The following MPP7 variants were observed in gnomAD, a reference collection of about 807,000 sequenced individuals.
MPP7 encodes MAGUK p55 scaffold protein 7, also known as MAGUK p55 subfamily member 7.
MPP7 carries 60 observed loss-of-function variants against 76.5 expected under a neutral mutation model. The observed-to-expected ratio is 0.78, with a 90% CI of 0.64 to 0.97. The LOEUF is 0.97. Ranked by LOEUF, MPP7 falls within the 50% of genes least tolerant of loss-of-function variation. The pLI is 0.00. For missense variants in MPP7, 641 were observed against 694.0 expected, an observed-to-expected ratio of 0.92 and a Z score of 0.86; for synonymous variants, 237 against 244.5, an observed-to-expected ratio of 0.97 and a Z score of 0.29.
intron 2 of MPP7, chr10:28,236,942 T>A (rs916029879): frequency 5.9e-5 from 9 of 152,214 alleles, no homozygotes; most frequent in African/African-American, 2.2e-4. Context: ...GCTCAAACCT[T>A]GTGGGGACAT....
At chr10:28,058,674 T>A in intron 14 of MPP7, 71 bp from the exon 15 acceptor site, 1 of 808,924 alleles carries the variant, frequency 1.2e-6, no homozygotes, top group Non-Finnish European at 1.9e-6. Context: ...ATAAAATTCA[T>A]AGGTAAAAGA....
intron 1 of MPP7, among the ~76,000 whole-genome samples, chr10:28,276,518 A>G (rs1463639324): frequency 6.6e-6 from 1 of 152,270 alleles, no homozygotes; most frequent in African/African-American, 2.4e-5. Context: ...ATGAAATTAC[A>G]TAAAGACAAA....
intron 1 of MPP7, among the ~76,000 whole-genome samples, chr10:28,295,255 G>GA (rs1408528098): frequency 1.3e-4 from 20 of 152,080 alleles, no homozygotes; most frequent in African/African-American, 3.9e-4. Context: ...TGACTATGAA[G>GA]AAACGAAAAC....
Position 28,221,672 on chromosome 10 carries a change from G to A in MPP7, c.37+16896C>T, listed in dbSNP as rs746124998. Among the ~76,000 whole-genome samples, 149 of 152,084 alleles carry A rather than the reference G, an allele frequency of 9.8e-4. 3 individuals carry two copies. Among genetic ancestry groups the A allele is most frequent in the Non-Finnish European group, 3.5e-4 (24 of 68,026 alleles). ...GTAAAAATCCCTTCAAGATACGTAC[G>A]GAGGTGATTTTTCTACAACCCCTAA... On this transcript the variant is annotated intron_variant, in intron 2 of 16. Transcript: ENST00000683449.
chr10:28,229,958 A>C (rs1001659102), intron 2 of MPP7, among the ~76,000 whole-genome samples: 7 of 152,120 alleles, frequency 4.6e-5, no homozygotes, highest in Admixed American at 1.3e-4. Flanking sequence ...TTTTATTTTA[A>C]AAAGAGAATG....
At chr10:28,182,088 C>T (rs1032919517) in intron 3 of MPP7, among the ~76,000 whole-genome samples, 2 of 151,762 alleles carry the variant, frequency 1.3e-5, no homozygotes, top group Non-Finnish European at 2.9e-5. Flanking sequence ...GAGCCCAGAC[C>T]AGGAGATAAT....
At chr10:28,155,660 G>A (rs914371738) in intron 3 of MPP7, among the ~76,000 whole-genome samples, 4 of 151,766 alleles carry the variant, frequency 2.6e-5, no homozygotes, top group Admixed American at 2.0e-4. Flanking sequence ...GGGCCAATTT[G>A]TGCTTCACTC....
At chr10:28,101,766 A>G (rs1478729257) in intron 11 of MPP7, among the ~76,000 whole-genome samples, 4 of 152,204 alleles carry the variant, frequency 2.6e-5, no homozygotes, top group Non-Finnish European at 5.9e-5. Context: ...GACCAATGTT[A>G]CAAAAGAAAT....
At chr10:28,072,890 T>C (rs1007143006) in intron 12 of MPP7, among the ~76,000 whole-genome samples, 5 of 152,188 alleles carry the variant, frequency 3.3e-5, no homozygotes, top group African/African-American at 1.2e-4. Flanking sequence ...AATGTCTTCA[T>C]CTCTCTTACA....
intron 12 of MPP7, among the ~76,000 whole-genome samples, chr10:28,088,727 T>G (rs1694161911): frequency 6.6e-6 from 1 of 152,242 alleles, no homozygotes; most frequent in Non-Finnish European, 1.5e-5. Context: ...TATCTCTCGC[T>G]ACATTTTTAA....
At chr10:28,069,964 C>A in intron 12 of MPP7, 112 bp from the exon 13 acceptor site, 4 of 693,308 alleles carry the variant, frequency 5.8e-6, no homozygotes, top group African/African-American at 3.5e-5. Context: ...GCTTTGCATC[C>A]TAAGTAAAGA....
intron 16 of MPP7, among the ~76,000 whole-genome samples, chr10:28,055,212 T>C (rs2133307690): frequency 6.6e-6 from 1 of 152,320 alleles, no homozygotes; most frequent in South Asian, 2.1e-4. Context: ...CATTTCATTG[T>C]CACATAAGAT....
At chr10:28,197,578 C>A (rs543390740) in intron 3 of MPP7, among the ~76,000 whole-genome samples, 16 of 152,220 alleles carry the variant, frequency 1.1e-4, no homozygotes, top group South Asian at 4.1e-4. Flanking sequence ...GAGTGAGGTA[C>A]CTTGTGTCTC....
At chr10:28,317,756 G>A (rs879309028) in intron 2 of MPP7, among the ~76,000 whole-genome samples, 1 of 152,188 alleles carries the variant, frequency 6.6e-6, no homozygotes, top group African/African-American at 2.4e-5. Flanking sequence ...AGAGGCATGG[G>A]GTAGGTCACG....
chr10:28,311,509 A>C (rs1045755974), intron 2 of MPP7, among the ~76,000 whole-genome samples: 14 of 152,228 alleles, frequency 9.2e-5, no homozygotes, highest in South Asian at 2.1e-4. Flanking sequence ...TGCTAACCTG[A>C]GGAGCCTCTG....
chr10:28,099,591 G>C (rs1423451411), intron 11 of MPP7, among the ~76,000 whole-genome samples: 2 of 152,140 alleles, frequency 1.3e-5, no homozygotes, highest in Non-Finnish European at 2.9e-5. Flanking sequence ...GATCACCTGA[G>C]GTCGGGAGTT....
At chr10:28,150,466 A>G (rs1403650935) in intron 3 of MPP7, among the ~76,000 whole-genome samples, 1 of 152,242 alleles carries the variant, frequency 6.6e-6, no homozygotes, top group Non-Finnish European at 1.5e-5. Flanking sequence ...TTATGATTAA[A>G]GCAAAGCAAT....
chr10:28,103,485 C>A (rs965691761), intron 11 of MPP7, among the ~76,000 whole-genome samples: 2 of 152,172 alleles, frequency 1.3e-5, no homozygotes, highest in Non-Finnish European at 2.9e-5. Flanking sequence ...TTTGCTCAAA[C>A]GTGGCCTTCT....
chr10:28,123,662 G>A (rs1588808331), intron 8 of MPP7, among the ~76,000 whole-genome samples: 1 of 151,528 alleles, frequency 6.6e-6, no homozygotes. Flanking sequence ...TAGTAGAGAC[G>A]GGTTTCACCA....
Sources: allele counts gnomAD v4.1 joint callset (sites outside exome capture counted in the v4.1 genomes callset), GRCh38; gene constraint gnomAD v4.1.1; transcripts MANE v1.5; gene names NCBI Gene and HGNC (gene_info 2026-07-23, HGNC 2026-07-21).